XPOT: variants seen among roughly 807,000 people sequenced by gnomAD.
XPOT encodes exportin for tRNA, also known as exportin-T.
In XPOT, 34 loss-of-function variants were observed where a neutral mutation model predicts 128.2. That is an observed-to-expected ratio of 0.27 (90% CI 0.20 to 0.35). XPOT has a LOEUF of 0.35. Among genes scored for constraint, XPOT ranks in the 10% least tolerant of loss-of-function variants. The pLI is 1.00. For missense variants in XPOT, 838 were observed against 1,125.3 expected, an observed-to-expected ratio of 0.74 and a Z score of 3.65; for synonymous variants, 348 against 394.3, an observed-to-expected ratio of 0.88 and a Z score of 1.39.
At chr12:64,434,062 CTGTAG>C (rs1452198893) in intron 19 of XPOT, among the ~76,000 whole-genome samples, 5 of 152,282 alleles carry the variant, frequency 3.3e-5, no homozygotes, top group African/African-American at 1.2e-4. Context: ...CTTGCCCAGG[CTGTAG>C]TGCAGTGGTG....
At chr12:64,443,326 CAGTCAAACA>C (rs1368013297) in intron 23 of XPOT, 1 of 152,246 alleles carries the variant, frequency 6.6e-6, no homozygotes, top group Non-Finnish European at 1.5e-5. Context: ...TAGGTGGTGG[CAGTCAAACA>C]CCAAAGAGAG....
rs1416257832 is a variant in XPOT, at chr12:64,418,031, C to T, written c.201-15C>T. ...AAATATAGCCATTATTCTTTTTCTTCTCTATTTTGAACAGATACTCAGAAC... is the reference window on the plus strand; with the variant it reads ...AAATATAGCCATTATTCTTTTTCTTTTCTATTTTGAACAGATACTCAGAAC... On this transcript the variant is annotated splice_polypyrimidine_tract_variant and intron_variant, in intron 4 of 24. Coordinates refer to ENST00000332707, the MANE Select transcript of XPOT (RefSeq NM_007235.6). 6.3e-7 allele frequency: 1 copy of T among 1,597,744 alleles called. No individual in the cohort carries two copies. Among genetic ancestry groups the T allele is most frequent in the African/African-American group, 1.3e-5 (1 of 74,320 alleles).
chr12:64,445,038 A>G (rs769420982), intron 23 of XPOT, 37 bp from the exon 24 acceptor site: 2 of 1,561,002 alleles, frequency 1.3e-6, no homozygotes, highest in East Asian at 2.3e-5. Context: ...ATACAAATAC[A>G]TTTGTTCTTT....
chr12:64,421,945 T>TG (rs901459791), intron 9 of XPOT, among the ~76,000 whole-genome samples: 11 of 152,172 alleles, frequency 7.2e-5, no homozygotes, highest in African/African-American at 2.4e-4. Context: ...CCCAAGTACC[T>TG]GGGATTACAG....
At chr12:64,436,638 T>A (rs2040284353) in intron 22 of XPOT, among the ~76,000 whole-genome samples, 1 of 152,114 alleles carries the variant, frequency 6.6e-6, no homozygotes, top group Non-Finnish European at 1.5e-5. Flanking sequence ...TGGAGTGCAG[T>A]GGCATGATCT....
intron 23 of XPOT, chr12:64,443,169 TGA>T (rs1431502835): frequency 7.2e-5 from 11 of 152,134 alleles, no homozygotes; most frequent in Non-Finnish European, 1.6e-4. Context: ...TTTTTGGATT[TGA>T]GGTATGTTGA....
intron 19 of XPOT, among the ~76,000 whole-genome samples, chr12:64,433,838 C>A (rs564137017): frequency 2.0e-4 from 30 of 151,992 alleles, no homozygotes; most frequent in African/African-American, 7.2e-4. Flanking sequence ...GGTTCTTTAG[C>A]AATATAAATA....
chr12:64,431,592 C>G lies in XPOT; in HGVS notation c.2031C>G (p.Ser677=). The stretch of plus-strand genomic sequence containing the variant: ...AGACTGTGAAACAATGTGGCTGTTC[C>G]GAAGTTTATCTGGACTGTTTACAGA... ...NKQTVKQCGC[S]EVYLDCLQTF... Residue 677 remains serine, a synonymous_variant, in exon 18 of 25, where the codon TCC becomes TCG. Transcript: ENST00000332707. The G allele has an allele frequency of 6.2e-7, 1 of 1,613,870 alleles. No individual in the cohort carries two copies. Among genetic ancestry groups the G allele is most frequent in the South Asian group, 1.1e-5 (1 of 91,076 alleles).
rs113876461 is a variant in XPOT, at chr12:64,409,463, G to C, written c.-74-499G>C. ...CTTTAAGATTTTTAGGGGCCAGGTG[G>C]GGTGGCTCATGCCTGTAATCCCAGC... On this transcript the variant is annotated intron_variant, in intron 1 of 24. Transcript: ENST00000332707. Among the ~76,000 whole-genome samples, 48 of 152,224 alleles carry C rather than the reference G, an allele frequency of 3.2e-4. 1 individual carries two copies. In the East Asian group the frequency reaches 3.3e-3, roughly 10 times the overall value.
chr12:64,412,650 A>G (rs1011377849), intron 2 of XPOT, among the ~76,000 whole-genome samples: 1 of 152,186 alleles, frequency 6.6e-6, no homozygotes, highest in Non-Finnish European at 1.5e-5. Context: ...AATACCAACA[A>G]CCAACTCTCT....
chr12:64,424,952 G>A (rs2040176414), intron 12 of XPOT, 86 bp from the exon 13 acceptor site: 4 of 1,507,294 alleles, frequency 2.7e-6, no homozygotes, highest in Non-Finnish European at 3.6e-6. Context: ...TAATTAAAAA[G>A]GCTTTTGTTG....
chr12:64,425,990 A>G, intron 15 of XPOT, 81 bp downstream of exon 15: 1 of 1,331,962 alleles, frequency 7.5e-7, no homozygotes, highest in Non-Finnish European at 1.1e-6. Context: ...AAGACATGGA[A>G]TCAACCTAGG....
chr12:64,426,027 G>GA, intron 15 of XPOT, 118 bp downstream of exon 15: 5 of 896,366 alleles, frequency 5.6e-6, no homozygotes, highest in Non-Finnish European at 8.9e-6. Flanking sequence ...ATTAGATAAA[G>GA]AAAATGTAGG....
At chr12:64,445,817 C>T (rs1185214610) in intron 24 of XPOT, among the ~76,000 whole-genome samples, 1 of 152,162 alleles carries the variant, frequency 6.6e-6, no homozygotes, top group African/African-American at 2.4e-5. Flanking sequence ...TTTTTATTAT[C>T]TTCACTCAAA....
At chr12:64,408,565 T>C (rs1165151756) in intron 1 of XPOT, among the ~76,000 whole-genome samples, 1 of 152,206 alleles carries the variant, frequency 6.6e-6, no homozygotes, top group African/African-American at 2.4e-5. Context: ...CAGCTTATTA[T>C]TTGAGAATGT....
chr12:64,414,290 A>T (rs753027979), intron 2 of XPOT, among the ~76,000 whole-genome samples: 1 of 152,188 alleles, frequency 6.6e-6, no homozygotes. Flanking sequence ...AAACTTAGAG[A>T]TAAAAAACTT....
chr12:64,422,989 G>T lies in XPOT; in HGVS notation c.1081-16G>T, dbSNP rs971609228. The T allele has an allele frequency of 8.7e-6, 14 of 1,610,478 alleles. No homozygotes were observed. Among genetic ancestry groups the T allele is most frequent in the African/African-American group, 1.3e-5 (1 of 74,614 alleles). On this transcript the variant is annotated splice_polypyrimidine_tract_variant and intron_variant, in intron 9 of 24. Transcript: ENST00000332707. The stretch of plus-strand genomic sequence containing the variant: ...ACTTTAGAAAACCTAATAAGTTATT[G>T]CTTCCTTTTTAACAGCTTACAGTGC...
At chr12:64,414,328 TA>T (rs1417646344) in intron 2 of XPOT, among the ~76,000 whole-genome samples, 1 of 152,204 alleles carries the variant, frequency 6.6e-6, no homozygotes, top group Admixed American at 6.5e-5. Context: ...TTCAGTTACT[TA>T]ATATTTTTCA....
intron 2 of XPOT, 81 bp from the exon 3 acceptor site, chr12:64,414,826 C>G: frequency 5.8e-6 from 5 of 858,934 alleles, no homozygotes; most frequent in Non-Finnish European, 9.9e-6. Flanking sequence ...AGGTTTGCAA[C>G]TCTCAGAATA....
Sources: gnomAD v4.1 joint callset for allele counts (sites outside exome capture counted in the v4.1 genomes callset) on GRCh38, gnomAD v4.1.1 for gene constraint, MANE v1.5 for transcripts, NCBI Gene and HGNC (gene_info 2026-07-23, HGNC 2026-07-21) for gene names.